Variants in DTD1 observed in about 807,000 individuals in gnomAD.
DTD1 encodes the protein D-aminoacyl-tRNA deacylase 1, also known as D-tyrosyl-tRNA deacylase 1 homolog.
In DTD1, 13 loss-of-function variants were observed where a neutral mutation model predicts 25.6. The ratio of observed to expected loss-of-function variants is 0.51; its 90% confidence interval spans 0.33 to 0.81. The LOEUF (loss-of-function observed/expected upper bound fraction) is 0.81. Among genes scored for constraint, DTD1 ranks in the 30% least tolerant of loss-of-function variants. The pLI, the probability that DTD1 is intolerant of heterozygous loss-of-function variation, is 0.02. For missense variants in DTD1, 193 were observed against 266.4 expected, an observed-to-expected ratio of 0.72 and a Z score of 1.92; for synonymous variants, 110 against 103.6, an observed-to-expected ratio of 1.06 and a Z score of -0.37.
In DTD1 at chr20:18,744,200, G is replaced by C. The variant is rs146358079; in HGVS notation, c.578G>C (p.Arg193Pro). ...AGAAACACTCCCCGAAAAGAAGACC[G>C]CAGTGCCAGCAGCGGGGCTGAGGGC... ...KERNTPRKEDRSASSGAEGDV... is the reference protein window; with the variant it reads ...KERNTPRKEDPSASSGAEGDV... Residue 193 changes from arginine to proline, a missense_variant, in exon 5 of 6, where the codon CGC becomes CCC. Transcript: ENST00000377452. The C allele has an allele frequency of 1.2e-5, 20 of 1,612,146 alleles. 1 individual carries two copies. The highest frequency in any genetic ancestry group is 1.2e-4 in the South Asian group (11 of 91,002).
intron 4 of DTD1, among the ~76,000 whole-genome samples, chr20:18,708,275 A>T (rs1440606371): frequency 1.9e-4 from 3 of 15,792 alleles, no homozygotes; most frequent in African/African-American, 3.9e-4. Context: ...TTATATATAT[A>T]TAATATATAT....
At chr20:18,738,532 C>T (rs987507850) in intron 4 of DTD1, among the ~76,000 whole-genome samples, 2 of 152,214 alleles carry the variant, frequency 1.3e-5, no homozygotes, top group Non-Finnish European at 1.5e-5. Context: ...GTTTTGAGAG[C>T]TGCACCATTC....
chr20:18,661,593 G>A (rs999529029), intron 4 of DTD1, among the ~76,000 whole-genome samples: 4 of 152,084 alleles, frequency 2.6e-5, no homozygotes, highest in Non-Finnish European at 4.4e-5. Flanking sequence ...GGATGGTTTT[G>A]ATCTCCTGAC....
rs147642139 is a variant in DTD1 at position 18,648,853 on chromosome 20, G to A, written c.477+20620G>A. On this transcript the variant is annotated intron_variant, in intron 4 of 5. Transcript: ENST00000377452. Reference sequence around the variant, plus strand: ...CTACTAAAAATACAAAAAATTAGCCGGGTGTGGTGGCAGGGGCTTGTAGTC... The same window carrying A: ...CTACTAAAAATACAAAAAATTAGCCAGGTGTGGTGGCAGGGGCTTGTAGTC... 4.9e-3 allele frequency among the ~76,000 whole-genome samples: 750 copies of A among 151,762 alleles called. 5 individuals carry two copies. Among genetic ancestry groups the A allele is most frequent in the South Asian group, 0.035 (169 of 4,796 alleles).
intron 1 of DTD1, among the ~76,000 whole-genome samples, chr20:18,592,980 C>T (rs1194252821): frequency 6.6e-6 from 1 of 152,142 alleles, no homozygotes; most frequent in East Asian, 1.9e-4. Context: ...CCATGCCCGG[C>T]CCATAATGAT....
chr20:18,650,826 T>C (rs2060871273), intron 4 of DTD1, among the ~76,000 whole-genome samples: 1 of 152,196 alleles, frequency 6.6e-6, no homozygotes, highest in Non-Finnish European at 1.5e-5. Context: ...GTGGCAATTA[T>C]GGAAAATTAA....
intron 4 of DTD1, among the ~76,000 whole-genome samples, chr20:18,700,609 C>G (rs1269446361): frequency 2.0e-5 from 3 of 151,730 alleles, no homozygotes; most frequent in Non-Finnish European, 4.4e-5. Flanking sequence ...TCTTAGTGTA[C>G]CCGTCACCCG....
chr20:18,672,118 C>T (rs1231921541), intron 4 of DTD1, among the ~76,000 whole-genome samples: 2 of 152,120 alleles, frequency 1.3e-5, no homozygotes, highest in Non-Finnish European at 2.9e-5. Flanking sequence ...CCTGTGGTCT[C>T]AGCTACTCAG....
At chr20:18,753,779 T>C (rs1444766926) in intron 5 of DTD1, among the ~76,000 whole-genome samples, 3 of 152,174 alleles carry the variant, frequency 2.0e-5, no homozygotes, top group African/African-American at 7.2e-5. Context: ...TGCATTGCAT[T>C]AAGCTTTCCA....
rs57387783 is a variant in DTD1, at chr20:18,733,988, T to A, written c.478-10112T>A. Among the ~76,000 whole-genome samples the A allele has an allele frequency of 8.6e-3, 1,316 of 152,352 alleles. 18 individuals carry two copies. Among genetic ancestry groups the A allele is most frequent in the African/African-American group, 0.03 (1,259 of 41,576 alleles). On this transcript the variant is annotated intron_variant, in intron 4 of 5. Transcript: ENST00000377452. ...TTTCCATTACACAAGGACATTTTTT[T>A]AAAAAGCTTTCAGAATTATCACATA...
intron 4 of DTD1, among the ~76,000 whole-genome samples, chr20:18,681,538 G>A (rs2060996830): frequency 6.6e-6 from 1 of 152,208 alleles, no homozygotes. Flanking sequence ...AAACATCATT[G>A]TCTGGAGAAG....
rs1438593854 is a variant in DTD1, at chr20:18,621,684, C to T, written c.371-6443C>T. On this transcript the variant is annotated intron_variant, in intron 3 of 5. Coordinates refer to ENST00000377452, the MANE Select transcript of DTD1 (RefSeq NM_080820.6). ...TATATTCTTAAATGATCTGTGTATGCTAAAATGGCTGGGTGAATCTCATTA... is the reference window on the plus strand; with the variant it reads ...TATATTCTTAAATGATCTGTGTATGTTAAAATGGCTGGGTGAATCTCATTA... 6.6e-5 allele frequency among the ~76,000 whole-genome samples: 10 copies of T among 152,164 alleles called. No individual in the cohort carries two copies. In the South Asian group the frequency reaches 1.9e-3, roughly 28 times the overall value.
intron 4 of DTD1, among the ~76,000 whole-genome samples, chr20:18,649,955 G>C (rs1292927520): frequency 1.3e-5 from 2 of 152,238 alleles, no homozygotes; most frequent in Admixed American, 6.5e-5. Flanking sequence ...GCTCACGCCT[G>C]TAATTCCAGT....
intron 3 of DTD1, among the ~76,000 whole-genome samples, chr20:18,622,297 T>C (rs760271798): frequency 3.9e-5 from 6 of 152,070 alleles, no homozygotes; most frequent in Non-Finnish European, 8.8e-5. Flanking sequence ...TGTGTTCTCA[T>C]TGTTCAACTC....
At chr20:18,720,561 T>A (rs1278913453) in intron 4 of DTD1, among the ~76,000 whole-genome samples, 2 of 152,188 alleles carry the variant, frequency 1.3e-5, no homozygotes, top group African/African-American at 2.4e-5. Context: ...CAGGTAACTT[T>A]AAAAGTTTTT....
At chr20:18,717,630 A>G (rs1465427351) in intron 4 of DTD1, among the ~76,000 whole-genome samples, 1 of 152,212 alleles carries the variant, frequency 6.6e-6, no homozygotes, top group Non-Finnish European at 1.5e-5. Context: ...TGAAAAAATT[A>G]TGCATAGTGG....
chr20:18,614,115 T>C (rs896760643), intron 3 of DTD1, among the ~76,000 whole-genome samples: 4 of 152,116 alleles, frequency 2.6e-5, no homozygotes, highest in African/African-American at 9.7e-5. Flanking sequence ...TATTTTTCTT[T>C]TAAAAACTCT....
chr20:18,663,228 G>A (rs1385601088), intron 4 of DTD1, among the ~76,000 whole-genome samples: 1 of 152,086 alleles, frequency 6.6e-6, no homozygotes. Context: ...TTCATAGAAA[G>A]TGTCCATATA....
At chr20:18,597,077 T>G (rs1468745442) in intron 3 of DTD1, among the ~76,000 whole-genome samples, 5 of 152,088 alleles carry the variant, frequency 3.3e-5, no homozygotes, top group African/African-American at 1.2e-4. Flanking sequence ...ATGATTTTGT[T>G]TCTTTTTCTG....
Sources: allele counts gnomAD v4.1 joint callset (sites outside exome capture counted in the v4.1 genomes callset), GRCh38; gene constraint gnomAD v4.1.1; transcripts MANE v1.5; gene names NCBI Gene and HGNC (gene_info 2026-07-23, HGNC 2026-07-21).